The following ASAP2 variants were observed in gnomAD, a reference collection of about 807,000 sequenced individuals.
ASAP2 encodes arf-GAP with SH3 domain, ANK repeat and PH domain-containing protein 2.
In ASAP2, 45 loss-of-function variants were observed where a neutral mutation model predicts 131.4. The observed-to-expected ratio is 0.34, with a 90% CI of 0.27 to 0.44. The LOEUF (loss-of-function observed/expected upper bound fraction) is 0.44. Ranked by LOEUF, ASAP2 falls within the 20% of genes least tolerant of loss-of-function variation. ASAP2 has a pLI of 1.00. For missense variants in ASAP2, 1,011 were observed against 1,297.0 expected (o/e 0.78, Z 3.39); for synonymous variants, 510 against 503.0 (o/e 1.01, Z -0.19).
At chr2:9,359,995 G>A (rs1007917511) in intron 15 of ASAP2, among the ~76,000 whole-genome samples, 2 of 152,204 alleles carry the variant, frequency 1.3e-5, no homozygotes, top group Non-Finnish European at 2.9e-5. Context: ...TATTGTTCAT[G>A]TAATAATGCA....
chr2:9,403,433 GTTCTCTAATGCCACTGCTCTGTTTT>G lies in ASAP2; in HGVS notation c.*107_*131del. ...ATGAACTGTTTGTATGGCAGCCCAT[GTTCTCTAATGCCACTGCTCTGTTTT>G]AAAAACTCAGAGGCAATTTTTACAT... On this transcript the variant is annotated 3_prime_UTR_variant, in exon 28 of 28. Transcript: ENST00000281419. 1 of 988,150 alleles carries G rather than the reference GTTCTCTAATGCCACTGCTCTGTTTT, an allele frequency of 1.0e-6. No individual in the cohort carries two copies. The highest frequency in any genetic ancestry group is 1.5e-6 in the Non-Finnish European group (1 of 652,088). 61.2% of individuals were successfully genotyped at this position (988,150 alleles called of 1,614,324 possible). A position where few individuals can be genotyped will look rare whatever the true frequency, so the allele number is the denominator to read the frequency against.
intron 3 of ASAP2, among the ~76,000 whole-genome samples, chr2:9,302,276 G>A (rs1036056692): frequency 3.5e-5 from 5 of 144,702 alleles, no homozygotes; most frequent in African/African-American, 5.2e-5. Flanking sequence ...GCGTTCAAGC[G>A]ATCCTTCTGC....
Position 9,311,673 on chromosome 2 carries a change from C to T in ASAP2, c.346-6851C>T, listed in dbSNP as rs1572417872. Reference sequence around the variant, plus strand: ...TCATCTTCTGGCTGTGGTTTCCGTCCCTCTCGGCCAGAACTCGAGGATGGC... The same window carrying T: ...TCATCTTCTGGCTGTGGTTTCCGTCTCTCTCGGCCAGAACTCGAGGATGGC... On this transcript the variant is annotated intron_variant, in intron 3 of 27. Transcript: ENST00000281419. This position sits in a 1 kb window ranked among gnomAD's most constrained non-coding sequence, Gnocchi z 5.2. Among the ~76,000 whole-genome samples the T allele has an allele frequency of 6.6e-6, 1 of 152,312 alleles. No homozygotes were observed. The highest frequency in any genetic ancestry group is 1.9e-4 in the East Asian group (1 of 5,190).
At chr2:9,215,670 T>G (rs1413087759) in intron 1 of ASAP2, among the ~76,000 whole-genome samples, 3 of 151,506 alleles carry the variant, frequency 2.0e-5, no homozygotes, top group Non-Finnish European at 4.4e-5. Flanking sequence ...AGCTAGTTTT[T>G]TTTTTTTTTT....
In ASAP2 at chr2:9,379,077, C is replaced by T; in HGVS notation, c.1948+18C>T. Reference sequence around the variant, plus strand: ...CGAGATAGGTGAGTGGGCCCGGGCCCCGGGGGTGGGCTCAGCTGCACCCTG... The same window carrying T: ...CGAGATAGGTGAGTGGGCCCGGGCCTCGGGGGTGGGCTCAGCTGCACCCTG... On this transcript the variant is annotated intron_variant, in intron 19 of 27. Coordinates refer to ENST00000281419, the MANE Select transcript of ASAP2 (RefSeq NM_003887.3). The T allele has an allele frequency of 2.0e-6, 3 of 1,497,778 alleles. No individual in the cohort carries two copies. The highest frequency in any genetic ancestry group is 2.7e-6 in the Non-Finnish European group (3 of 1,120,362). 92.8% of individuals were successfully genotyped at this position (1,497,778 alleles called of 1,614,324 possible). A position where few individuals can be genotyped will look rare whatever the true frequency, so the allele number is the denominator to read the frequency against.
chr2:9,280,508 T>C (rs1667065283), intron 2 of ASAP2, among the ~76,000 whole-genome samples: 1 of 152,196 alleles, frequency 6.6e-6, no homozygotes, highest in African/African-American at 2.4e-5. Context: ...TTGCCAAGTG[T>C]ATTTAGGAAC....
chr2:9,248,285 A>C (rs1664473703), intron 1 of ASAP2, among the ~76,000 whole-genome samples: 1 of 152,174 alleles, frequency 6.6e-6, no homozygotes, highest in Non-Finnish European at 1.5e-5. Context: ...GCCAAATTAT[A>C]TTCAGCATTT....
At position 9,297,409 on chromosome 2, in the gene ASAP2, G is replaced by A; in HGVS notation, c.309G>A (p.Val103=). Residue 103 remains valine, a synonymous_variant, in exon 3 of 28, where the codon GTG becomes GTA. Transcript: ENST00000281419. ...GAAGTGCGTTCCTGAAGTTCTCAGTGTTTACAAAGGAGTTGACAGCACTTT... is the reference window on the plus strand; with the variant it reads ...GAAGTGCGTTCCTGAAGTTCTCAGTATTTACAAAGGAGTTGACAGCACTTT... ...DLGSAFLKFS[V]FTKELTALFK... is the part of the protein sequence containing the mutation. The A allele has an allele frequency of 6.2e-7, 1 of 1,614,202 alleles. No homozygotes were observed. The highest frequency in any genetic ancestry group is 1.1e-5 in the South Asian group (1 of 91,082).
intron 23 of ASAP2, among the ~76,000 whole-genome samples, chr2:9,393,143 T>TGA (rs1675850183): frequency 6.6e-6 from 1 of 152,182 alleles, no homozygotes; most frequent in Admixed American, 6.5e-5. Context: ...CGGGCAGAGC[T>TGA]GAGGGCCCCG....
intron 7 of ASAP2, among the ~76,000 whole-genome samples, chr2:9,329,295 T>C (rs1358635684): frequency 1.3e-5 from 2 of 152,162 alleles, no homozygotes; most frequent in Non-Finnish European, 2.9e-5. Flanking sequence ...TTATCCCAAA[T>C]ATGTTGGGAA....
At chr2:9,390,949 T>C in intron 22 of ASAP2, 113 bp from the exon 23 acceptor site, 2 of 1,528,466 alleles carry the variant, frequency 1.3e-6, no homozygotes, top group Non-Finnish European at 1.8e-6. Context: ...AGGGTCATAC[T>C]GACCGTTTCA....
At chr2:9,225,263 G>A (rs947624296) in intron 1 of ASAP2, among the ~76,000 whole-genome samples, 1 of 152,084 alleles carries the variant, frequency 6.6e-6, no homozygotes, top group African/African-American at 2.4e-5. Flanking sequence ...GTGAGTGTGG[G>A]TAGATCTGTC....
chr2:9,382,115 CT>C (rs1271181319), intron 20 of ASAP2, among the ~76,000 whole-genome samples: 1 of 151,364 alleles, frequency 6.6e-6, no homozygotes, highest in East Asian at 2.0e-4. Context: ...TCCTGAGTAA[CT>C]CGGATTACAG....
intron 15 of ASAP2, among the ~76,000 whole-genome samples, chr2:9,365,410 G>T (rs1673395304): frequency 1.3e-5 from 2 of 152,158 alleles, no homozygotes; most frequent in Non-Finnish European, 2.9e-5. Context: ...TCTCTCCTGG[G>T]GTGAGTCAGA....
At chr2:9,282,742 C>A (rs1667208242) in intron 2 of ASAP2, among the ~76,000 whole-genome samples, 1 of 152,172 alleles carries the variant, frequency 6.6e-6, no homozygotes, top group African/African-American at 2.4e-5. Context: ...ATTTATGCTT[C>A]ATACTGCCAT....
At chr2:9,280,078 T>C (rs907930632) in intron 2 of ASAP2, among the ~76,000 whole-genome samples, 1 of 152,168 alleles carries the variant, frequency 6.6e-6, no homozygotes, top group Non-Finnish European at 1.5e-5. Context: ...GAGGAGTCCC[T>C]GAGAGACTGA....
chr2:9,280,648 G>C (rs1166113736), intron 2 of ASAP2, among the ~76,000 whole-genome samples: 1 of 152,194 alleles, frequency 6.6e-6, no homozygotes, highest in African/African-American at 2.4e-5. Flanking sequence ...GTTAGTGTCA[G>C]GCCTCCCCAA....
rs554034673 is a variant in ASAP2 at position 9,334,201 on chromosome 2, G to GGT, written c.687-537_687-536insGT. 1.2e-4 allele frequency among the ~76,000 whole-genome samples: 15 copies of GGT among 129,490 alleles called. 1 individual carries two copies. The highest frequency in any genetic ancestry group is 3.8e-4 in the African/African-American group (13 of 33,792). The allele number at this position is 129,490 out of a possible 152,430, so 85.0% of individuals were successfully genotyped here. A position where few individuals can be genotyped will look rare whatever the true frequency, so the allele number is the denominator to read the frequency against. On this transcript the variant is annotated intron_variant, in intron 7 of 27. Transcript: ENST00000281419. ...AGTAGCTTTTTGTATTTTTGTATTT[G>GGT]TTTTTTTTTTTTTTGTATTTTTAAT...
At chr2:9,361,598 C>A (rs1344870254) in intron 15 of ASAP2, among the ~76,000 whole-genome samples, 1 of 151,636 alleles carries the variant, frequency 6.6e-6, no homozygotes, top group Non-Finnish European at 1.5e-5. Context: ...GACAGGGTCT[C>A]ACTCCATGAC....
Sources: allele counts gnomAD v4.1 joint callset (sites outside exome capture counted in the v4.1 genomes callset), GRCh38; gene constraint gnomAD v4.1.1; non-coding constraint Gnocchi (gnomAD v3.1); transcripts MANE v1.5; gene names NCBI Gene and HGNC (gene_info 2026-07-23, HGNC 2026-07-21).